MSI2: variants seen among roughly 807,000 people sequenced by gnomAD.
MSI2 encodes the protein musashi RNA binding protein 2, also known as RNA-binding protein Musashi homolog 2.
A neutral mutation model predicts 45.6 loss-of-function variants in MSI2; 17 were observed. The ratio of observed to expected loss-of-function variants is 0.37; its 90% CI spans 0.26 to 0.56. MSI2 has a LOEUF of 0.56. MSI2 is among the 20% of genes least tolerant of loss of function. The probability of loss-of-function intolerance (pLI) is 0.77; values close to 1 mark genes in which losing one functional copy is unlikely to be tolerated. For synonymous variants in MSI2, 156 were observed against 158.2 expected, an observed-to-expected ratio of 0.99 and a Z score of 0.11; for missense variants, 293 against 444.2, an observed-to-expected ratio of 0.66 and a Z score of 3.06.
At chr17:57,551,955 C>T (rs1202607812) in intron 7 of MSI2, among the ~76,000 whole-genome samples, 1 of 152,186 alleles carries the variant, frequency 6.6e-6, no homozygotes, top group Non-Finnish European at 1.5e-5. Flanking sequence ...TCACTCCAAG[C>T]CAATAGCCCA....
intron 5 of MSI2, among the ~76,000 whole-genome samples, chr17:57,269,180 T>C (rs1039161729): frequency 5.9e-5 from 9 of 152,120 alleles, no homozygotes; most frequent in Non-Finnish European, 7.4e-5. Context: ...CTAGGAAAGG[T>C]CAGGGTGTGC....
intron 5 of MSI2, among the ~76,000 whole-genome samples, chr17:57,306,810 A>G (rs1323528372): frequency 6.6e-6 from 1 of 152,076 alleles, no homozygotes; most frequent in Non-Finnish European, 1.5e-5. Context: ...CAATGGCATG[A>G]ATCTTGGCTC....
chr17:57,487,144 G>C lies in MSI2; in HGVS notation c.406-42532G>C, dbSNP rs1000619019. Among the ~76,000 whole-genome samples, 7 of 152,316 alleles carry C rather than the reference G, an allele frequency of 4.6e-5. No homozygotes were observed. The South Asian group carries it at 1.5e-3, about 32-fold the overall frequency. ...GAAGTGCAGGGGACTTCAGATCACG[G>C]GGTGAGGGAGGAGGCTCACTGAGAG... is the stretch of plus-strand genomic sequence containing the variant. On this transcript the variant is annotated intron_variant, in intron 6 of 13. Coordinates refer to ENST00000284073, the MANE Select transcript of MSI2 (RefSeq NM_138962.4).
At chr17:57,500,547 C>T (rs2086081560) in intron 6 of MSI2, among the ~76,000 whole-genome samples, 1 of 151,762 alleles carries the variant, frequency 6.6e-6, no homozygotes, top group Non-Finnish European at 1.5e-5. Flanking sequence ...TTTTTTACAA[C>T]CACTGTCAGG....
At chr17:57,462,273 C>T (rs1023387602) in intron 6 of MSI2, among the ~76,000 whole-genome samples, 4 of 152,244 alleles carry the variant, frequency 2.6e-5, no homozygotes, top group Non-Finnish European at 4.4e-5. Context: ...TTCTCTTGCT[C>T]TGTGTCTCTC....
intron 6 of MSI2, among the ~76,000 whole-genome samples, chr17:57,512,941 G>T: frequency 7.0e-6 from 1 of 143,232 alleles, no homozygotes; most frequent in East Asian, 2.1e-4. Flanking sequence ...TTATGTGCCA[G>T]AATATTGCAC....
intron 5 of MSI2, among the ~76,000 whole-genome samples, chr17:57,365,639 G>A (rs1917132246): frequency 6.6e-6 from 1 of 152,098 alleles, no homozygotes; most frequent in Admixed American, 6.5e-5. Flanking sequence ...TTGGCAGAGG[G>A]GATAGTGAGC....
At chr17:57,301,987 T>C (rs185769770) in intron 5 of MSI2, among the ~76,000 whole-genome samples, 41 of 152,364 alleles carry the variant, frequency 2.7e-4, no homozygotes, top group African/African-American at 9.4e-4. Flanking sequence ...TGCATCCTTA[T>C]AGACAGTTGT....
At chr17:57,638,392 G>C (rs906522483) in intron 10 of MSI2, among the ~76,000 whole-genome samples, 4 of 152,176 alleles carry the variant, frequency 2.6e-5, no homozygotes, top group Admixed American at 1.3e-4. Flanking sequence ...GCCTCCTGGG[G>C]CACAAGTTGC....
At chr17:57,544,041 G>A (rs1410937774) in intron 7 of MSI2, among the ~76,000 whole-genome samples, 2 of 152,166 alleles carry the variant, frequency 1.3e-5, no homozygotes, top group African/African-American at 2.4e-5. Context: ...AAACTATGTT[G>A]TCTCTTTAGG....
In MSI2 at chr17:57,529,746, A is replaced by T. The variant is rs768418457; in HGVS notation, c.454+22A>T. 6.2e-7 allele frequency: 1 copy of T among 1,605,846 alleles called. No individual in the cohort carries two copies. On this transcript the variant is annotated intron_variant, in intron 7 of 13. Coordinates refer to ENST00000284073, the MANE Select transcript of MSI2 (RefSeq NM_138962.4). The surrounding 1 kb of genome is among the most constrained non-coding windows in gnomAD (Gnocchi z 5.3). ...AGAGGTAAGATTACCCCAGTGTAAG[A>T]GGGTTGCGTTCACCCTCTCCTGGCC...
At chr17:57,575,047 G>A (rs543420129) in intron 7 of MSI2, among the ~76,000 whole-genome samples, 15 of 152,072 alleles carry the variant, frequency 9.9e-5, no homozygotes, top group South Asian at 2.1e-4. Flanking sequence ...AGCCAGGATG[G>A]TCTCAATCTC....
At chr17:57,419,053 A>G (rs2084347064) in intron 6 of MSI2, among the ~76,000 whole-genome samples, 2 of 152,208 alleles carry the variant, frequency 1.3e-5, no homozygotes, top group Non-Finnish European at 2.9e-5. Context: ...ATGAAATGTA[A>G]TTTACACAAA....
chr17:57,320,639 G>A (rs1044212544), intron 5 of MSI2, among the ~76,000 whole-genome samples: 1 of 152,172 alleles, frequency 6.6e-6, no homozygotes, highest in Non-Finnish European at 1.5e-5. Flanking sequence ...GCCCAAAGGG[G>A]ATGAATAATT....
rs1481040564 is a variant in MSI2 at position 57,258,261 on chromosome 17, T to C, written c.186-9T>C. 1 of 1,613,468 alleles carries C rather than the reference T, an allele frequency of 6.2e-7. No individual in the cohort carries two copies. The highest frequency in any genetic ancestry group is 8.5e-7 in the Non-Finnish European group (1 of 1,179,412). ...TTGTTTGTTTTTCTCCCTCTTTGTC[T>C]CCTTTCAGAGGCTTCGGTTTCGTCA... On this transcript the variant is annotated splice_polypyrimidine_tract_variant and intron_variant, in intron 3 of 13. Coordinates refer to ENST00000284073, the MANE Select transcript of MSI2 (RefSeq NM_138962.4).
chr17:57,399,538 A>G (rs907946781), intron 5 of MSI2, among the ~76,000 whole-genome samples: 13 of 148,326 alleles, frequency 8.8e-5, no homozygotes, highest in African/African-American at 3.3e-4. Context: ...CCAGCAGGCT[A>G]TGGTGGCATG....
At chr17:57,341,314 G>T (rs1915132879) in intron 5 of MSI2, among the ~76,000 whole-genome samples, 1 of 152,212 alleles carries the variant, frequency 6.6e-6, no homozygotes, top group Non-Finnish European at 1.5e-5. Flanking sequence ...GAACTGGGAT[G>T]TGCCCTTCTA....
intron 7 of MSI2, among the ~76,000 whole-genome samples, chr17:57,541,815 T>C (rs1023343393): frequency 2.0e-5 from 3 of 152,214 alleles, no homozygotes; most frequent in Non-Finnish European, 4.4e-5. Flanking sequence ...TGAGCACTCC[T>C]TACGCATTTG....
intron 7 of MSI2, among the ~76,000 whole-genome samples, chr17:57,541,669 C>T (rs765899335): frequency 2.6e-5 from 4 of 152,064 alleles, no homozygotes; most frequent in Admixed American, 6.5e-5. Flanking sequence ...GTAAGGACAC[C>T]GGTGGGCACA....
Sources: allele counts gnomAD v4.1 joint callset (sites outside exome capture counted in the v4.1 genomes callset), GRCh38; gene constraint gnomAD v4.1.1; non-coding constraint Gnocchi (gnomAD v3.1); transcripts MANE v1.5; gene names NCBI Gene and HGNC (gene_info 2026-07-23, HGNC 2026-07-21).